The following KAZN variants were observed in gnomAD, a reference collection of about 807,000 sequenced individuals.
KAZN encodes the protein kazrin.
Under a neutral mutation model 87.4 loss-of-function variants are expected in KAZN, and 40 were observed. That is an observed-to-expected ratio of 0.46 (90% CI 0.36 to 0.60). The LOEUF (loss-of-function observed/expected upper bound fraction) is 0.60, where lower values mean the gene tolerates loss of function less well. KAZN is among the 20% of genes least tolerant of loss of function. The pLI is 0.00. For synonymous variants in KAZN, 466 were observed against 458.3 expected, an observed-to-expected ratio of 1.02 and a Z score of -0.22; for missense variants, 898 against 1,073.9, an observed-to-expected ratio of 0.84 and a Z score of 2.29.
At chr1:14,774,772 AC>A (rs1467081018) in intron 1 of KAZN, among the ~76,000 whole-genome samples, 1 of 151,928 alleles carries the variant, frequency 6.6e-6, no homozygotes, top group Non-Finnish European at 1.5e-5. Flanking sequence ...GGTGTAAGTC[AC>A]CATGCCCAGC....
intron 1 of KAZN, among the ~76,000 whole-genome samples, chr1:14,858,214 CTTT>C (rs71000342): frequency 6.0e-5 from 7 of 117,026 alleles, no homozygotes; most frequent in East Asian, 2.3e-4. Flanking sequence ...TTTTTCTTTT[CTTT>C]TTTTTTTTTT....
chr1:14,051,345 A>G (rs1051512916), intron 1 of KAZN, among the ~76,000 whole-genome samples: 12 of 152,118 alleles, frequency 7.9e-5, no homozygotes, highest in African/African-American at 2.9e-4. Flanking sequence ...GGCCCCAGTC[A>G]AGAAGAGTGC....
chr1:14,991,656 C>T (rs1667370009), intron 2 of KAZN, among the ~76,000 whole-genome samples: 1 of 152,162 alleles, frequency 6.6e-6, no homozygotes, highest in South Asian at 2.1e-4. Flanking sequence ...CCACACATAC[C>T]CAGGTACACC....
At chr1:14,839,468 G>GA (rs909643756) in intron 1 of KAZN, among the ~76,000 whole-genome samples, 20 of 152,246 alleles carry the variant, frequency 1.3e-4, no homozygotes, top group African/African-American at 4.6e-4. Flanking sequence ...AGCGCACCCA[G>GA]AAAAATGTGA....
At chr1:15,106,145 G>A (rs966333271) in intron 13 of KAZN, among the ~76,000 whole-genome samples, 17 of 152,108 alleles carry the variant, frequency 1.1e-4, no homozygotes, top group African/African-American at 3.9e-4. Context: ...CCTGGAGGTG[G>A]TGGAGTGCAC....
chr1:14,755,914 G>T (rs1004113252), intron 1 of KAZN, among the ~76,000 whole-genome samples: 44 of 152,302 alleles, frequency 2.9e-4, no homozygotes, highest in African/African-American at 1.1e-3. Flanking sequence ...AAGTCTCCCA[G>T]ACGCCCCACA....
At chr1:14,067,236 C>A (rs1274071027) in intron 1 of KAZN, among the ~76,000 whole-genome samples, 2 of 152,186 alleles carry the variant, frequency 1.3e-5, no homozygotes, top group African/African-American at 4.8e-5. Context: ...CCGTGATAGG[C>A]TCTGAGTCTA....
chr1:14,166,339 T>G (rs1196175914), intron 1 of KAZN, among the ~76,000 whole-genome samples: 1 of 152,090 alleles, frequency 6.6e-6, no homozygotes, highest in Admixed American at 6.6e-5. Flanking sequence ...ATAAATAACA[T>G]GAAGTCATAG....
Position 14,856,222 on chromosome 1 carries a change from G to A in KAZN, c.227-104462G>A, listed in dbSNP as rs1416527708. Among the ~76,000 whole-genome samples, 2 of 152,204 alleles carry A rather than the reference G, an allele frequency of 1.3e-5. No homozygotes were observed. Among genetic ancestry groups the A allele is most frequent in the Non-Finnish European group, 2.9e-5 (2 of 68,010 alleles). ...GAAATTGGGGAGGGGATGAAAAGAG[G>A]GGAAGGGAAGACCAGAAATAACTTT... On this transcript the variant is annotated intron_variant, in intron 1 of 14. Transcript: ENST00000376030. The surrounding 1 kb of genome is among the most constrained non-coding windows in gnomAD (Gnocchi z 5.2).
intron 2 of KAZN, among the ~76,000 whole-genome samples, chr1:14,389,671 T>G (rs970273870): frequency 6.6e-6 from 1 of 151,904 alleles, no homozygotes; most frequent in Non-Finnish European, 1.5e-5. Flanking sequence ...CTCATGGAGA[T>G]AGAGAGTAGA....
intron 1 of KAZN, among the ~76,000 whole-genome samples, chr1:13,900,735 C>G (rs2744644): frequency 0.15 from 22,882 of 152,078 alleles, 1,872 homozygotes; most frequent in Admixed American, 0.27. Flanking sequence ...TGACCTTGGG[C>G]AAGTACCTTA....
intron 1 of KAZN, among the ~76,000 whole-genome samples, chr1:14,936,637 C>T (rs1360709005): frequency 6.6e-6 from 1 of 152,186 alleles, no homozygotes; most frequent in Non-Finnish European, 1.5e-5. Context: ...TTGATCCTTC[C>T]TCATCCCATA....
intron 2 of KAZN, among the ~76,000 whole-genome samples, chr1:15,010,916 G>A (rs185769148): frequency 6.6e-6 from 1 of 152,282 alleles, no homozygotes; most frequent in East Asian, 1.9e-4. Context: ...TTACCAGTCA[G>A]AATAATGAGT....
At chr1:14,598,631 G>C (rs1676674236), upstream of KAZN, 1 of 1,113,870 alleles carries the variant, frequency 9.0e-7, no homozygotes, top group South Asian at 4.0e-5. The surrounding 1 kb of genome is among the most constrained non-coding windows in gnomAD (Gnocchi z 4.2). Context: ...CCCCTCCCGA[G>C]CCGGCGGCGA....
rs868417254 is a variant in KAZN at position 14,882,733 on chromosome 1, C to T, written c.227-77951C>T. Among the ~76,000 whole-genome samples the T allele has an allele frequency of 7.9e-5, 12 of 152,300 alleles. No homozygotes were observed. In the South Asian group the frequency reaches 2.5e-3, roughly 32 times the overall value. ...TGCAAAACTAAAAGCAATTATAGCA[C>T]AGTTTTAAAAGTTCATTGGCATTTA... On this transcript the variant is annotated intron_variant, in intron 1 of 14. Transcript: ENST00000376030.
intron 2 of KAZN, among the ~76,000 whole-genome samples, chr1:14,235,180 C>A (rs972370059): frequency 2.2e-4 from 33 of 152,042 alleles, no homozygotes; most frequent in Non-Finnish European, 3.1e-4. Flanking sequence ...TATAACGACA[C>A]AATGAAATAT....
chr1:14,370,955 G>A (rs1485756930), intron 2 of KAZN, among the ~76,000 whole-genome samples: 4 of 152,202 alleles, frequency 2.6e-5, no homozygotes, highest in African/African-American at 9.6e-5. Flanking sequence ...AAAGTGCTGA[G>A]ATTAGGGGTG....
chr1:14,380,719 G>C (rs1661293540), intron 2 of KAZN, among the ~76,000 whole-genome samples: 1 of 152,114 alleles, frequency 6.6e-6, no homozygotes, highest in South Asian at 2.1e-4. Context: ...ACACCTATGA[G>C]ATCTAGAAAA....
chr1:14,851,721 C>G (rs1000280103), intron 1 of KAZN, among the ~76,000 whole-genome samples: 1 of 152,238 alleles, frequency 6.6e-6, no homozygotes, highest in Non-Finnish European at 1.5e-5. Context: ...TGGCAAGGCC[C>G]GCCTGAAGGA....
Sources: allele counts gnomAD v4.1 joint callset (sites outside exome capture counted in the v4.1 genomes callset), GRCh38; gene constraint gnomAD v4.1.1; non-coding constraint Gnocchi (gnomAD v3.1); transcripts MANE v1.5; gene names NCBI Gene and HGNC (gene_info 2026-07-23, HGNC 2026-07-21).